CREB3L2: variants seen among roughly 807,000 people sequenced by gnomAD.
CREB3L2 encodes the protein cAMP responsive element binding protein 3 like 2.
CREB3L2 carries 23 observed loss-of-function variants against 57.2 expected under a neutral mutation model. The ratio of observed to expected loss-of-function variants is 0.40; its 90% CI spans 0.29 to 0.57. The LOEUF (loss-of-function observed/expected upper bound fraction) is 0.57, where lower values mean the gene tolerates loss of function less well. Ranked by LOEUF, CREB3L2 falls within the 20% of genes least tolerant of loss-of-function variation. The pLI is 0.42. For missense variants in CREB3L2, 628 were observed against 634.7 expected (o/e 0.99, Z 0.11); for synonymous variants, 268 against 265.1 (o/e 1.01, Z -0.11).
chr7:137,936,140 A>G (rs928939588), intron 1 of CREB3L2, among the ~76,000 whole-genome samples: 3 of 152,216 alleles, frequency 2.0e-5, no homozygotes, highest in African/African-American at 7.2e-5. Flanking sequence ...CAACAAATAC[A>G]GTGGGAGCAT....
intron 8 of CREB3L2, among the ~76,000 whole-genome samples, chr7:137,897,968 A>G (rs1799662444): frequency 6.6e-6 from 1 of 152,220 alleles, no homozygotes; most frequent in Non-Finnish European, 1.5e-5. Flanking sequence ...AACAAAATGA[A>G]AAGGCAGCCC....
At chr7:137,946,974 TTATA>T (rs10677517) in intron 1 of CREB3L2, among the ~76,000 whole-genome samples, 1 of 38,814 alleles carries the variant, frequency 2.6e-5, no homozygotes, top group African/African-American at 7.2e-5. Context: ...ATATATATAG[TTATA>T]TATATATAGT....
At chr7:137,902,210 A>C (rs1799777979) in intron 7 of CREB3L2, among the ~76,000 whole-genome samples, 1 of 148,908 alleles carries the variant, frequency 6.7e-6, no homozygotes. Context: ...AAAAAAAAAA[A>C]AAGAGGGAGC....
intron 1 of CREB3L2, chr7:137,955,240 T>A (rs567246766): frequency 7.8e-7 from 1 of 1,280,136 alleles, no homozygotes; most frequent in East Asian, 5.6e-5. Context: ...TAAGAATCCA[T>A]CCAACAGGTA....
At chr7:137,985,671 GA>G (rs1801780634) in intron 1 of CREB3L2, among the ~76,000 whole-genome samples, 1 of 152,168 alleles carries the variant, frequency 6.6e-6, no homozygotes, top group African/African-American at 2.4e-5. Context: ...CAGGGACATG[GA>G]ACAAGCCGTC....
intron 4 of CREB3L2, among the ~76,000 whole-genome samples, chr7:137,909,902 A>T (rs1799971481): frequency 6.6e-6 from 1 of 152,138 alleles, no homozygotes. Context: ...GTAGTAAATA[A>T]GCCTCATGAG....
intron 1 of CREB3L2, among the ~76,000 whole-genome samples, chr7:137,965,728 C>G (rs2117292356): frequency 6.6e-6 from 1 of 152,254 alleles, no homozygotes; most frequent in East Asian, 1.9e-4. Flanking sequence ...GAGAGTTGAC[C>G]AGGGTAACGT....
At chr7:137,999,379 TACACACAC>T (rs60762009) in intron 1 of CREB3L2, among the ~76,000 whole-genome samples, 51 of 142,422 alleles carry the variant, frequency 3.6e-4, no homozygotes, top group South Asian at 1.2e-3. Flanking sequence ...TATGTTCCCC[TACACACAC>T]ACACACACAC....
At chr7:137,984,977 A>G (rs1360119056) in intron 1 of CREB3L2, among the ~76,000 whole-genome samples, 1 of 152,182 alleles carries the variant, frequency 6.6e-6, no homozygotes, top group Non-Finnish European at 1.5e-5. Context: ...ATTGAACTCC[A>G]TTATCAGCAA....
intron 1 of CREB3L2, among the ~76,000 whole-genome samples, chr7:137,978,241 A>C (rs1054763413): frequency 6.6e-6 from 1 of 152,164 alleles, no homozygotes; most frequent in Non-Finnish European, 1.5e-5. Context: ...TACAGAGATA[A>C]CTCTCTATAT....
At chr7:137,901,255 C>T in intron 8 of CREB3L2, 99 bp downstream of exon 8, 3 of 793,642 alleles carry the variant, frequency 3.8e-6, no homozygotes. Context: ...TCACTGTGAC[C>T]TCCTCCACTT....
intron 1 of CREB3L2, among the ~76,000 whole-genome samples, chr7:137,929,635 G>A (rs1800565285): frequency 6.6e-6 from 1 of 151,552 alleles, no homozygotes; most frequent in Non-Finnish European, 1.5e-5. Context: ...GGCCAAGGTG[G>A]GCGGATCACA....
intron 1 of CREB3L2, among the ~76,000 whole-genome samples, chr7:137,971,037 A>T (rs1801496771): frequency 6.6e-6 from 1 of 152,178 alleles, no homozygotes; most frequent in Non-Finnish European, 1.5e-5. Flanking sequence ...ATGAACCTAG[A>T]CCCTAAATTA....
chr7:137,879,811 G>T lies in CREB3L2; in HGVS notation c.*665C>A, dbSNP rs766105431. 7 of 235,360 alleles carry T rather than the reference G, an allele frequency of 3.0e-5. No individual in the cohort carries two copies. Among genetic ancestry groups the T allele is most frequent in the Admixed American group, 1.1e-4 (2 of 18,088 alleles). 14.6% of individuals were successfully genotyped at this position (235,360 alleles called of 1,614,324 possible). On this transcript the variant is annotated 3_prime_UTR_variant, in exon 12 of 12. Coordinates refer to ENST00000330387, the MANE Select transcript of CREB3L2 (RefSeq NM_194071.4). ...TGGATGTGTGGGGAACCAGGTTGTG[G>T]GAGGTCCTAAAAGCGACAAGATGGG...
At position 137,915,890 on chromosome 7, in the gene CREB3L2, C is replaced by T. The variant is rs1800118228; in HGVS notation, c.442G>A (p.Ala148Thr). ...TCCTTTTCCAACGGGGTGGAGATGG[C>T]TGTGATGGTCAGAGTGACAGACGGA... ...LVPSVTLTITAISTPLEKEEP... is the reference protein window; with the variant it reads ...LVPSVTLTITTISTPLEKEEP... Residue 148 changes from alanine to threonine, a missense_variant, in exon 3 of 12, where the codon GCC (alanine) becomes ACC (threonine). Ala to Thr is a moderately conservative substitution (Grantham distance 58). Around this residue, in one of 3 missense-constraint regions of CREB3L2, gnomAD observed 339 missense variants for 355.4 expected, o/e 0.95. Coordinates refer to ENST00000330387, the MANE Select transcript of CREB3L2 (RefSeq NM_194071.4). The T allele has an allele frequency of 3.1e-6, 5 of 1,614,136 alleles. No homozygotes were observed. Among genetic ancestry groups the T allele is most frequent in the Non-Finnish European group, 4.2e-6 (5 of 1,179,994 alleles).
In CREB3L2 at chr7:138,001,686, C is replaced by G. The variant is rs1451642026; in HGVS notation, c.20G>C (p.Gly7Ala). MEVLESGEQGVLQWDRK... is the reference protein window; with the variant it reads MEVLESAEQGVLQWDRK... ...GTCCCACTGCAGCACGCCCTGCTCCCCGCTCTCCAGCACCTCCATGGCGGT... is the reference window on the plus strand; with the variant it reads ...GTCCCACTGCAGCACGCCCTGCTCCGCGCTCTCCAGCACCTCCATGGCGGT... Residue 7 changes from glycine (G) to alanine (A), a missense_variant, in exon 1 of 12, where the codon GGG becomes GCG. Transcript: ENST00000330387. The surrounding 1 kb of genome is among the most constrained non-coding windows in gnomAD (Gnocchi z 4.2). The G allele has an allele frequency of 1.2e-6, 2 of 1,611,972 alleles. No individual in the cohort carries two copies. The highest frequency in any genetic ancestry group is 2.2e-5 in the East Asian group (1 of 44,842).
At position 137,922,417 on chromosome 7, in the gene CREB3L2, T is replaced by C. The variant is rs1363406211; in HGVS notation, c.319+5733A>G. On this transcript the variant is annotated intron_variant, in intron 2 of 11. Coordinates refer to ENST00000330387, the MANE Select transcript of CREB3L2 (RefSeq NM_194071.4). ...ATATATATATATATATATATATATG[T>C]ATATATATATATATATATACGTATA... Among the ~76,000 whole-genome samples, 53 of 24,072 alleles carry C rather than the reference T, an allele frequency of 2.2e-3. 1 individual carries two copies. Among genetic ancestry groups the C allele is most frequent in the South Asian group, 0.011 (8 of 698 alleles). The allele number at this position is 24,072 out of a possible 152,430, so 15.8% of individuals were successfully genotyped here. A position where few individuals can be genotyped will look rare whatever the true frequency, so the allele number is the denominator to read the frequency against.
intron 1 of CREB3L2, among the ~76,000 whole-genome samples, chr7:137,969,241 T>C (rs1668709081): frequency 6.6e-6 from 1 of 152,026 alleles, no homozygotes; most frequent in Non-Finnish European, 1.5e-5. Flanking sequence ...AAGAGGTGGC[T>C]ATAAAGGACA....
intron 4 of CREB3L2, among the ~76,000 whole-genome samples, chr7:137,910,213 C>T (rs966062373): frequency 5.3e-5 from 8 of 152,116 alleles, no homozygotes; most frequent in African/African-American, 9.7e-5. Flanking sequence ...CTGGTCCCCC[C>T]GGCCCTGGCA....
Sources: allele counts gnomAD v4.1 joint callset (sites outside exome capture counted in the v4.1 genomes callset), GRCh38; gene constraint gnomAD v4.1.1; regional missense constraint gnomAD v4.1.1; non-coding constraint Gnocchi (gnomAD v3.1); transcripts MANE v1.5; gene names NCBI Gene and HGNC (gene_info 2026-07-23, HGNC 2026-07-21).